Variants in FHIT observed in about 807,000 individuals in gnomAD.
The protein encoded by FHIT is bis(5'-adenosyl)-triphosphatase.
A neutral mutation model predicts 17.9 loss-of-function variants in FHIT; 19 were observed. That is an observed-to-expected ratio of 1.06 (90% CI 0.74 to 1.56). The LOEUF (loss-of-function observed/expected upper bound fraction) is 1.56. Ranked by LOEUF, FHIT falls within the 40% of genes most tolerant of loss-of-function variation. The pLI is 0.00. For missense variants in FHIT, 248 were observed against 189.2 expected (o/e 1.31, Z -1.82); for synonymous variants, 81 against 69.7 (o/e 1.16, Z -0.81).
chr3:59,996,298 A>G (rs1404473620), intron 7 of FHIT, among the ~76,000 whole-genome samples: 1 of 152,058 alleles, frequency 6.6e-6, no homozygotes, highest in Non-Finnish European at 1.5e-5. Context: ...TGAGAGAGAC[A>G]TTTTGCAAAC....
At chr3:59,969,774 G>T (rs1461086133) in intron 7 of FHIT, among the ~76,000 whole-genome samples, 1 of 152,024 alleles carries the variant, frequency 6.6e-6, no homozygotes, top group African/African-American at 2.4e-5. Flanking sequence ...ATTTCCAGCA[G>T]CCCCTCAAAA....
chr3:60,034,296 G>A (rs1048466521), intron 5 of FHIT, among the ~76,000 whole-genome samples: 5 of 152,218 alleles, frequency 3.3e-5, no homozygotes, highest in Admixed American at 6.5e-5. Context: ...AGGTTGGCCA[G>A]CTGGCTGGCT....
chr3:60,770,731 T>A (rs968005531), intron 4 of FHIT, among the ~76,000 whole-genome samples: 3 of 152,232 alleles, frequency 2.0e-5, no homozygotes, highest in Admixed American at 6.5e-5. Flanking sequence ...GTCAACAGCA[T>A]GTCAATGGCT....
intron 3 of FHIT, among the ~76,000 whole-genome samples, chr3:60,913,458 C>T (rs181400511): frequency 4.6e-5 from 7 of 152,296 alleles, no homozygotes; most frequent in Admixed American, 1.3e-4. Context: ...CCTAGACCTT[C>T]TGTATTCCAG....
chr3:60,783,520 C>T (rs556908077), intron 4 of FHIT, among the ~76,000 whole-genome samples: 1 of 152,324 alleles, frequency 6.6e-6, no homozygotes, highest in Admixed American at 6.5e-5. Context: ...CCCTGGTTTA[C>T]TGTAACAGTG....
intron 5 of FHIT, among the ~76,000 whole-genome samples, chr3:60,166,364 C>A (rs1701175870): frequency 6.6e-6 from 1 of 152,148 alleles, no homozygotes; most frequent in Non-Finnish European, 1.5e-5. Context: ...ATAAACACTA[C>A]AAGAACTGAA....
At chr3:60,342,308 T>C (rs1486288319) in intron 5 of FHIT, among the ~76,000 whole-genome samples, 4 of 152,328 alleles carry the variant, frequency 2.6e-5, no homozygotes, top group East Asian at 1.9e-4. Flanking sequence ...GATCACTCAA[T>C]AGGATTTAAA....
intron 5 of FHIT, among the ~76,000 whole-genome samples, chr3:60,333,573 ATAAT>A (rs1270456256): frequency 1.3e-5 from 2 of 152,154 alleles, no homozygotes; most frequent in African/African-American, 2.4e-5. Flanking sequence ...AAGAAAAAAT[ATAAT>A]TAAGAAAAAA....
chr3:59,975,183 C>G (rs913471351), intron 7 of FHIT, among the ~76,000 whole-genome samples: 1 of 152,060 alleles, frequency 6.6e-6, no homozygotes, highest in Non-Finnish European at 1.5e-5. Flanking sequence ...GAATGAGATT[C>G]TTGGCATTTG....
At chr3:61,220,531 T>G (rs1354788532) in intron 1 of FHIT, among the ~76,000 whole-genome samples, 1 of 152,144 alleles carries the variant, frequency 6.6e-6, no homozygotes. Context: ...TCCAGGGAGG[T>G]GACCAGAATA....
intron 5 of FHIT, among the ~76,000 whole-genome samples, chr3:60,489,987 C>A (rs1180542908): frequency 6.6e-6 from 1 of 152,086 alleles, no homozygotes; most frequent in African/African-American, 2.4e-5. Context: ...GGAAATCATC[C>A]TTACAGCTTT....
Position 60,736,741 on chromosome 3 carries a change from A to C in FHIT, c.-18+85178T>G, listed in dbSNP as rs990288653. On this transcript the variant is annotated intron_variant, in intron 4 of 9. Transcript: ENST00000492590. ...GTAATGGCTACTCAACTTTGTATTT[A>C]TACTAAAACCACCAAGTTTCACATT... Among the ~76,000 whole-genome samples the C allele has an allele frequency of 7.9e-5, 12 of 152,328 alleles. No individual in the cohort carries two copies. The South Asian group carries it at 1.0e-3, about 13-fold the overall frequency.
At chr3:60,080,530 T>C (rs1387636509) in intron 5 of FHIT, among the ~76,000 whole-genome samples, 1 of 152,180 alleles carries the variant, frequency 6.6e-6, no homozygotes, top group Non-Finnish European at 1.5e-5. Flanking sequence ...GATTATTTTT[T>C]CATTCTTTAT....
At chr3:60,842,279 C>T (rs991603970) in intron 3 of FHIT, among the ~76,000 whole-genome samples, 6 of 151,848 alleles carry the variant, frequency 4.0e-5, no homozygotes, top group Admixed American at 2.0e-4. Context: ...CACTGTTATC[C>T]GAGTCTGCCT....
chr3:60,386,801 G>A (rs189987345), intron 5 of FHIT, among the ~76,000 whole-genome samples: 1 of 152,270 alleles, frequency 6.6e-6, no homozygotes, highest in Non-Finnish European at 1.5e-5. Flanking sequence ...ACGATATGTG[G>A]TAGGTGCTGA....
At chr3:60,417,026 T>C (rs1702274624) in intron 5 of FHIT, among the ~76,000 whole-genome samples, 2 of 151,292 alleles carry the variant, frequency 1.3e-5, no homozygotes, top group African/African-American at 4.9e-5. Flanking sequence ...GAGGCGGAGC[T>C]TGCAGTGAGC....
chr3:60,489,713 T>C (rs902574388), intron 5 of FHIT, among the ~76,000 whole-genome samples: 2 of 152,198 alleles, frequency 1.3e-5, no homozygotes, highest in African/African-American at 4.8e-5. Flanking sequence ...CAGCAGTCAA[T>C]GTGGTAATTT....
At chr3:60,722,753 A>AG (rs2041836465) in intron 4 of FHIT, among the ~76,000 whole-genome samples, 1 of 128,028 alleles carries the variant, frequency 7.8e-6, no homozygotes, top group South Asian at 2.4e-4. Flanking sequence ...TGCTCTGTTG[A>AG]CCAGGCTGGA....
At chr3:60,027,798 T>C (rs1005728780) in intron 5 of FHIT, among the ~76,000 whole-genome samples, 24 of 152,084 alleles carry the variant, frequency 1.6e-4, no homozygotes, top group African/African-American at 5.5e-4. Flanking sequence ...CCTCGATCCA[T>C]CATAATTTAG....
Sources: gnomAD v4.1 joint callset for allele counts (sites outside exome capture counted in the v4.1 genomes callset) on GRCh38, gnomAD v4.1.1 for gene constraint, MANE v1.5 for transcripts, NCBI Gene and HGNC (gene_info 2026-07-23, HGNC 2026-07-21) for gene names.